Variants in ASIC2 observed in about 807,000 individuals in gnomAD.
ASIC2 encodes the protein acid sensing ion channel subunit 2.
ASIC2 carries 25 observed loss-of-function variants against 57.3 expected under a neutral mutation model. That is an observed-to-expected ratio of 0.44 (90% CI 0.32 to 0.61). ASIC2 has a LOEUF of 0.61. Ranked by LOEUF, ASIC2 falls within the 20% of genes least tolerant of loss-of-function variation. The probability of loss-of-function intolerance (pLI) is 0.06; values close to 1 mark genes in which losing one functional copy is unlikely to be tolerated. For missense variants in ASIC2, 641 were observed against 738.1 expected, an observed-to-expected ratio of 0.87 and a Z score of 1.52; for synonymous variants, 319 against 307.5, an observed-to-expected ratio of 1.04 and a Z score of -0.39.
intron 1 of ASIC2, among the ~76,000 whole-genome samples, chr17:33,582,647 A>G (rs987728944): frequency 4.6e-5 from 7 of 152,242 alleles, no homozygotes; most frequent in Non-Finnish European, 1.0e-4. Context: ...GGCTTGCCAT[A>G]GTAAATATTC....
At chr17:33,910,849 A>G (rs1162708060) in intron 1 of ASIC2, among the ~76,000 whole-genome samples, 1 of 152,222 alleles carries the variant, frequency 6.6e-6, no homozygotes, top group Non-Finnish European at 1.5e-5. Context: ...TGAGGAGGTG[A>G]TGTTTGAAGT....
intron 1 of ASIC2, among the ~76,000 whole-genome samples, chr17:33,893,939 C>G (rs189119387): frequency 5.7e-4 from 87 of 152,304 alleles, no homozygotes; most frequent in Non-Finnish European, 5.9e-5. Context: ...CTTCCAAAGC[C>G]TCACCTCAGT....
chr17:33,932,676 G>A (rs1410791791), intron 1 of ASIC2: 1 of 113,504 alleles, frequency 8.8e-6, no homozygotes, highest in East Asian at 2.8e-4. Flanking sequence ...TCATACCATT[G>A]CACTCCAGCC....
Position 33,676,936 on chromosome 17 carries a change from C to T in ASIC2, c.555+479042G>A. On this transcript the variant is annotated intron_variant, in intron 1 of 9. Coordinates refer to the ASIC2 transcript ENST00000359872. ...GTCCTCCTGATAGTGAGTGAGTTCT[C>T]CTGAGATCTGGTTAAGTTTGTGCCC... is the stretch of plus-strand genomic sequence containing the variant. 1.3e-5 allele frequency among the ~76,000 whole-genome samples: 2 copies of T among 152,144 alleles called. 1 individual carries two copies. Among genetic ancestry groups the T allele is most frequent in the Non-Finnish European group, 2.9e-5 (2 of 68,026 alleles).
In ASIC2 at chr17:33,661,045, C is replaced by A. The variant is rs147482557; in HGVS notation, c.555+494933G>T. ...AGATTTTCCAGCTAGACTCTGCTAG[C>A]CACGCTCTGACTCTGTTTGACCCAG... On this transcript the variant is annotated intron_variant, in intron 1 of 9. Transcript: ENST00000359872. Among the ~76,000 whole-genome samples, 149 of 152,282 alleles carry A rather than the reference C, an allele frequency of 9.8e-4. 1 individual carries two copies. Among genetic ancestry groups the A allele is most frequent in the African/African-American group, 3.3e-3 (136 of 41,552 alleles).
intron 3 of ASIC2, among the ~76,000 whole-genome samples, chr17:33,070,431 G>A (rs1003505728): frequency 5.3e-5 from 8 of 150,444 alleles, no homozygotes; most frequent in South Asian, 2.1e-4. Flanking sequence ...TCTGCCTCCC[G>A]GGTTCAAGCA....
chr17:33,085,066 CTTCT>C (rs772718327), intron 3 of ASIC2, among the ~76,000 whole-genome samples: 1 of 152,168 alleles, frequency 6.6e-6, no homozygotes, highest in Non-Finnish European at 1.5e-5. Context: ...CATGGTAGGA[CTTCT>C]TTAAGTCACT....
At chr17:34,016,241 G>A (rs1249542149) in intron 1 of ASIC2, among the ~76,000 whole-genome samples, 3 of 151,866 alleles carry the variant, frequency 2.0e-5, no homozygotes, top group Non-Finnish European at 4.4e-5. Flanking sequence ...TGGATAACAC[G>A]GTGAAACCCC....
intron 1 of ASIC2, among the ~76,000 whole-genome samples, chr17:33,961,556 C>T (rs2141992220): frequency 1.3e-5 from 2 of 152,306 alleles, no homozygotes; most frequent in Admixed American, 1.3e-4. Flanking sequence ...GCATCGTCCT[C>T]ACAGGGGCAG....
Position 33,291,873 on chromosome 17 carries a change from G to T in ASIC2, c.243C>A (p.Gly81=). 1.2e-6 allele frequency: 2 copies of T among 1,607,102 alleles called. No individual in the cohort carries two copies. The highest frequency in any genetic ancestry group is 1.7e-6 in the Non-Finnish European group (2 of 1,179,196). The change falls in exon 1 of 10, where the codon GGC becomes GGA. Residue 81 remains glycine (G), a synonymous_variant. Transcript: ENST00000225823. ...CCCACAGCGCCCGCCGCTGGAAGGA[G>T]CCCCCAGCCGCCGTGCGCCCGGCAC... ...HMCAGRTAAG[G]SFQRRALWVL...
intron 1 of ASIC2, among the ~76,000 whole-genome samples, chr17:33,352,770 G>A (rs761616576): frequency 1.4e-4 from 21 of 152,104 alleles, no homozygotes; most frequent in Non-Finnish European, 2.5e-4. Context: ...AGGTCCTCAC[G>A]TTCACCTGCT....
At chr17:33,768,479 C>T (rs766904180) in intron 1 of ASIC2, among the ~76,000 whole-genome samples, 18 of 152,098 alleles carry the variant, frequency 1.2e-4, no homozygotes, top group Non-Finnish European at 2.6e-4. Context: ...GGGCCTCAAG[C>T]TGAGGAGGTG....
intron 1 of ASIC2, chr17:34,037,013 A>G (rs1307326403): frequency 6.6e-6 from 1 of 152,640 alleles, no homozygotes; most frequent in African/African-American, 2.4e-5. Context: ...GACCAAATGT[A>G]TTCTTTCAAA....
intron 1 of ASIC2, among the ~76,000 whole-genome samples, chr17:33,714,931 C>A (rs904646474): frequency 6.6e-6 from 1 of 151,286 alleles, no homozygotes; most frequent in African/African-American, 2.4e-5. Context: ...AATCCTCCCA[C>A]CTCAGCCTCC....
chr17:33,696,890 G>T (rs910622767), intron 1 of ASIC2, among the ~76,000 whole-genome samples: 1 of 152,202 alleles, frequency 6.6e-6, no homozygotes, highest in Non-Finnish European at 1.5e-5. Context: ...ATTTGGATGT[G>T]TGTCCCTTCC....
intron 1 of ASIC2, among the ~76,000 whole-genome samples, chr17:33,480,775 T>G (rs1278486306): frequency 6.6e-6 from 1 of 151,998 alleles, no homozygotes; most frequent in Non-Finnish European, 1.5e-5. Context: ...CCCCAAAGAC[T>G]TCCCTCTTCT....
At position 33,359,214 on chromosome 17, in the gene ASIC2, A is replaced by G. The variant is rs146926887; in HGVS notation, c.556-247147T>C. ...ATGCTAATGGGAAGGCCAAAGAGAC[A>G]TAGCTAACTCCCACATGATCCAAAC... On this transcript the variant is annotated intron_variant, in intron 1 of 9. Coordinates refer to the ASIC2 transcript ENST00000359872. 1.4e-3 allele frequency among the ~76,000 whole-genome samples: 218 copies of G among 152,328 alleles called. 1 individual carries two copies. The highest frequency in any genetic ancestry group is 5.0e-3 in the African/African-American group (208 of 41,580).
chr17:33,190,445 G>A (rs1421874884), intron 1 of ASIC2, among the ~76,000 whole-genome samples: 1 of 152,034 alleles, frequency 6.6e-6, no homozygotes, highest in Non-Finnish European at 1.5e-5. Context: ...ATTAAATATT[G>A]TTACATCAAT....
intron 1 of ASIC2, among the ~76,000 whole-genome samples, chr17:33,571,679 T>C (rs1447271913): frequency 6.6e-6 from 1 of 152,276 alleles, no homozygotes; most frequent in Non-Finnish European, 1.5e-5. Flanking sequence ...CTATATGCCC[T>C]GAGAGTGCTC....
Sources: allele counts gnomAD v4.1 joint callset (sites outside exome capture counted in the v4.1 genomes callset), GRCh38; gene constraint gnomAD v4.1.1; transcripts MANE v1.5; gene names NCBI Gene and HGNC (gene_info 2026-07-23, HGNC 2026-07-21).